Variants in INPP5J observed in about 807,000 individuals in gnomAD.
INPP5J encodes the protein phosphatidylinositol 4,5-bisphosphate 5-phosphatase A.
Under a neutral mutation model 86.6 loss-of-function variants are expected in INPP5J, and 75 were observed. The ratio of observed to expected loss-of-function variants is 0.87; its 90% CI spans 0.72 to 1.05. The LOEUF (loss-of-function observed/expected upper bound fraction) is 1.05, where lower values mean the gene tolerates loss of function less well. Among genes scored for constraint, INPP5J ranks in the 50% least tolerant of loss-of-function variants. The pLI is 0.00. For missense variants in INPP5J, 1,229 were observed against 1,341.2 expected (o/e 0.92, Z 1.31); for synonymous variants, 540 against 550.0 (o/e 0.98, Z 0.25).
Position 31,127,001 on chromosome 22 carries a change from G to C in INPP5J, c.1575G>C (p.Gln525His), listed in dbSNP as rs1473679278. ...ACCTGCCCTTCCTGCGAGACGTGCA[G>C]ACCGACTGCACGCGCACTGGCCTGG... ...YYHLPFLRDV[Q>H]TDCTRTGLGG... is the part of the protein sequence containing the mutation. Residue 525 changes from glutamine to histidine, a missense_variant, in exon 5 of 13, where the codon CAG becomes CAC. Transcript: ENST00000331075. 1.9e-6 allele frequency: 3 copies of C among 1,608,332 alleles called. No individual in the cohort carries two copies. Among genetic ancestry groups the C allele is most frequent in the African/African-American group, 2.7e-5 (2 of 74,800 alleles).
intron 1 of INPP5J, 108 bp downstream of exon 1, chr22:31,123,227 C>T (rs1255210391): frequency 1.0e-5 from 7 of 671,942 alleles, no homozygotes; most frequent in Non-Finnish European, 1.6e-5. Flanking sequence ...GGGGCTGGTA[C>T]TTTCCTCTGC....
chr22:31,124,734 T>G, intron 1 of INPP5J, 111 bp from the exon 2 acceptor site: 2 of 920,090 alleles, frequency 2.2e-6, no homozygotes, highest in Non-Finnish European at 3.3e-6. Flanking sequence ...AGAACTTCCT[T>G]GGAAAGATGT....
At chr22:31,128,798 A>G (rs1921766678) in intron 9 of INPP5J, 144 bp downstream of exon 9, 3 of 747,634 alleles carry the variant, frequency 4.0e-6, no homozygotes, top group Non-Finnish European at 4.2e-6. Context: ...TGGGGTTGCA[A>G]TCTACATTTT....
chr22:31,126,398 G>C lies in INPP5J; in HGVS notation c.1294G>C (p.Val432Leu). 1 of 1,613,676 alleles carries C rather than the reference G, an allele frequency of 6.2e-7. No homozygotes were observed. The highest frequency in any genetic ancestry group is 8.5e-7 in the Non-Finnish European group (1 of 1,179,780). Residue 432 changes from valine (V) to leucine (L), a missense_variant, in exon 3 of 13, where the codon GTG becomes CTG. Val to Leu is a conservative substitution (Grantham distance 32). Transcript: ENST00000331075. Reference protein sequence around the residue: ...GFRITVVTWNVGTAMPPDDVT... With the variant: ...GFRITVVTWNLGTAMPPDDVT... Reference sequence around the variant, plus strand: ...CAGGATCACTGTGGTCACATGGAACGTGGGCACTGCCATGCCCCCAGACGA... The same window carrying C: ...CAGGATCACTGTGGTCACATGGAACCTGGGCACTGCCATGCCCCCAGACGA...
chr22:31,125,786 C>A lies in INPP5J; in HGVS notation c.1047C>A (p.Ser349Arg), dbSNP rs1472482957. 1.9e-6 allele frequency: 3 copies of A among 1,564,678 alleles called. No individual in the cohort carries two copies. The highest frequency in any genetic ancestry group is 2.6e-6 in the Non-Finnish European group (3 of 1,155,090). ...TGCCCAAGCCACCCCGATCACCCAG[C>A]CGTTCCCCAAGCCACTCCCCGAATC... ...PPLPKPPRSP[S>R]RSPSHSPNRS... Residue 349 changes from serine (S) to arginine (R), a missense_variant, in exon 2 of 13, where the codon AGC becomes AGA. By Grantham distance (110) the Ser-to-Arg change is moderately radical (BLOSUM62 -1). Transcript: ENST00000331075.
chr22:31,132,649 G>T (rs1027462788), intron 9 of INPP5J, among the ~76,000 whole-genome samples: 3 of 151,754 alleles, frequency 2.0e-5, no homozygotes, highest in African/African-American at 7.3e-5. Flanking sequence ...TGAGACAGGA[G>T]AATCACTTGA....
Position 31,134,205 on chromosome 22 carries a change from G to A in INPP5J, c.2807G>A (p.Ser936Asn), listed in dbSNP as rs919523280. ...AGCAGTAATGGCAGCAGCCGGGGCA[G>A]TAGTGAAGAGGGGCCCTCTGGGTTG... ...DRSSNGSSRGSSEEGPSGLPG... is the reference protein window; with the variant it reads ...DRSSNGSSRGNSEEGPSGLPG... Residue 936 changes from serine to asparagine, a missense_variant, in exon 13 of 13, where the codon AGT (serine) becomes AAT (asparagine). Transcript: ENST00000331075. 5 of 1,550,224 alleles carry A rather than the reference G, an allele frequency of 3.2e-6. No homozygotes were observed. In the African/African-American group the frequency reaches 6.8e-5, roughly 21 times the overall value.
chr22:31,126,930 G>A lies in INPP5J; in HGVS notation c.1504G>A (p.Val502Met). ...TGGCCTCCCGCTGCAGGTGAGTTCG[G>A]TGAGGATGCAGGGTGTCATCCTGCT... ...GPFNFVLVSSVRMQGVILLLF... is the reference protein window; with the variant it reads ...GPFNFVLVSSMRMQGVILLLF... The change falls in exon 5 of 13, where the codon GTG becomes ATG. Residue 502 changes from valine to methionine, a missense_variant. Transcript: ENST00000331075. 1 of 1,608,674 alleles carries A rather than the reference G, an allele frequency of 6.2e-7. No individual in the cohort carries two copies. The highest frequency in any genetic ancestry group is 8.5e-7 in the Non-Finnish European group (1 of 1,177,310).
intron 1 of INPP5J, 147 bp from the exon 2 acceptor site, chr22:31,124,698 G>C (rs1282198201): frequency 5.7e-6 from 4 of 704,272 alleles, no homozygotes; most frequent in Non-Finnish European, 9.4e-6. Flanking sequence ...ACCTGCAGCA[G>C]AATAGATTGA....
chr22:31,123,182 A>G (rs1363964267), intron 1 of INPP5J, 63 bp downstream of exon 1: 1 of 957,074 alleles, frequency 1.0e-6, no homozygotes, highest in Non-Finnish European at 1.5e-6. Flanking sequence ...CACCCCCCCC[A>G]CATACACTGC....
Position 31,127,957 on chromosome 22 carries a change from G to A in INPP5J, c.1794G>A (p.Val598=), listed in dbSNP as rs767224665. The A allele has an allele frequency of 1.2e-6, 2 of 1,600,896 alleles. No homozygotes were observed. Among genetic ancestry groups the A allele is most frequent in the South Asian group, 2.2e-5 (2 of 90,704 alleles). The change falls in exon 7 of 13, where the codon GTG becomes GTA. Residue 598 remains valine (V), a synonymous_variant. Coordinates refer to ENST00000331075, the MANE Select transcript of INPP5J (RefSeq NM_001284285.2). ...GAQGILDHDL[V]FWFGDLNFRI... is the part of the protein sequence containing the mutation. The stretch of plus-strand genomic sequence containing the variant: ...CATCCCCCACCCCAAACAGCCTCGT[G>A]TTCTGGTTCGGGGACCTGAACTTCC...
rs1922303308 is a variant in INPP5J, at chr22:31,133,680, A to G, written c.2480A>G (p.His827Arg). The G allele has an allele frequency of 6.2e-7, 1 of 1,613,146 alleles. No individual in the cohort carries two copies. Among genetic ancestry groups the G allele is most frequent in the Admixed American group, 1.7e-5 (1 of 59,896 alleles). Residue 827 changes from histidine (H) to arginine (R), a missense_variant, in exon 12 of 13, where the codon CAC becomes CGC. Coordinates refer to ENST00000331075, the MANE Select transcript of INPP5J (RefSeq NM_001284285.2). Reference protein sequence around the residue: ...DFILGYYSHNHSILIGITEPF... With the variant: ...DFILGYYSHNRSILIGITEPF... Reference sequence around the variant, plus strand: ...ATCCTGGGCTACTATAGTCACAACCACAGCATCCTCATCGGCATCACTGAA... The same window carrying G: ...ATCCTGGGCTACTATAGTCACAACCGCAGCATCCTCATCGGCATCACTGAA...
chr22:31,125,380 A>G lies in INPP5J; in HGVS notation c.641A>G (p.Gln214Arg). ...CCCAGTCCAGTTCTGTCTCCAACTCAGGAACAGGCCCTGGCTCCAGCATCC... is the reference window on the plus strand; with the variant it reads ...CCCAGTCCAGTTCTGTCTCCAACTCGGGAACAGGCCCTGGCTCCAGCATCC... The part of the protein sequence containing the change: ...PVPSPVLSPT[Q>R]EQALAPASTA... The change falls in exon 2 of 13, where the codon CAG becomes CGG. Residue 214 changes from glutamine (Q) to arginine (R), a missense_variant. Transcript: ENST00000331075. 1 of 1,550,340 alleles carries G rather than the reference A, an allele frequency of 6.5e-7. No individual in the cohort carries two copies. Among genetic ancestry groups the G allele is most frequent in the South Asian group, 1.2e-5 (1 of 84,056 alleles).
At position 31,134,222 on chromosome 22, in the gene INPP5J, T is replaced by C. The variant is rs1922378220; in HGVS notation, c.2824T>C (p.Ser942Pro). ...CCGGGGCAGTAGTGAAGAGGGGCCCTCTGGGTTGCCTGGCCCCTGGGCCTT... is the reference window on the plus strand; with the variant it reads ...CCGGGGCAGTAGTGAAGAGGGGCCCCCTGGGTTGCCTGGCCCCTGGGCCTT... ...SSRGSSEEGPSGLPGPWAFPP... is the reference protein window; with the variant it reads ...SSRGSSEEGPPGLPGPWAFPP... Residue 942 changes from serine to proline, a missense_variant, in exon 13 of 13, where the codon TCT (serine) becomes CCT (proline). By Grantham distance (74) the Ser-to-Pro change is moderately conservative. Coordinates refer to ENST00000331075, the MANE Select transcript of INPP5J (RefSeq NM_001284285.2). 1.3e-6 allele frequency: 2 copies of C among 1,550,072 alleles called. No homozygotes were observed. The highest frequency in any genetic ancestry group is 8.7e-7 in the Non-Finnish European group (1 of 1,146,780).
chr22:31,128,927 C>CTTTTTTTTTTTTTTTTTTTTTTTT (rs56761879), intron 9 of INPP5J, among the ~76,000 whole-genome samples: 1 of 80,000 alleles, frequency 1.3e-5, no homozygotes, highest in Non-Finnish European at 2.4e-5. Context: ...CATGCCTTTT[C>CTTTTTTTTTTTTTTTTTTTTTTTT]TTTTTTTTTT....
rs1215266181 is a variant in INPP5J, at chr22:31,133,607, C to G, written c.2410-3C>G. The G allele has an allele frequency of 2.5e-6, 4 of 1,609,478 alleles. No individual in the cohort carries two copies. Among genetic ancestry groups the G allele is most frequent in the Non-Finnish European group, 3.4e-6 (4 of 1,177,420 alleles). ...CTTAGGCTTATACCCCTGGGCCTAC[C>G]AGGTAACATTCAGTGAGGAATCACT... On this transcript the variant is annotated splice_polypyrimidine_tract_variant and splice_region_variant and intron_variant, in intron 11 of 12. Transcript: ENST00000331075.
Position 31,126,029 on chromosome 22 carries a change from A to C in INPP5J, c.1271+19A>C. ...GCTTCCGGTGAGGGGGCCCTCTCCCAAGAAAGGTGGCTGGGGCTTAGCTCT... is the reference window on the plus strand; with the variant it reads ...GCTTCCGGTGAGGGGGCCCTCTCCCCAGAAAGGTGGCTGGGGCTTAGCTCT... On this transcript the variant is annotated intron_variant, in intron 2 of 12. Transcript: ENST00000331075. 2 of 1,540,110 alleles carry C rather than the reference A, an allele frequency of 1.3e-6. No individual in the cohort carries two copies. The highest frequency in any genetic ancestry group is 8.7e-7 in the Non-Finnish European group (1 of 1,144,056).
chr22:31,126,038 G>T, intron 2 of INPP5J, 28 bp downstream of exon 2: 1 of 1,530,224 alleles, frequency 6.5e-7, no homozygotes, highest in South Asian at 1.2e-5. Flanking sequence ...CAAGAAAGGT[G>T]GCTGGGGCTT....
At chr22:31,126,863 G>A in intron 4 of INPP5J, 58 bp from the exon 5 acceptor site, 1 of 1,453,942 alleles carries the variant, frequency 6.9e-7, no homozygotes, top group Non-Finnish European at 9.6e-7. Context: ...ACCTGAAGGT[G>A]GGCGCGAGGG....
Sources: allele counts gnomAD v4.1 joint callset (sites outside exome capture counted in the v4.1 genomes callset), GRCh38; gene constraint gnomAD v4.1.1; transcripts MANE v1.5; gene names NCBI Gene and HGNC (gene_info 2026-07-23, HGNC 2026-07-21).